The following FAM135B variants were observed in gnomAD, a reference collection of about 807,000 sequenced individuals.
The protein encoded by FAM135B is family with sequence similarity 135 member B, also known as protein FAM135B.
A neutral mutation model predicts 127.7 loss-of-function variants in FAM135B; 43 were observed. The ratio of observed to expected loss-of-function variants is 0.34; its 90% CI spans 0.26 to 0.43. The LOEUF (loss-of-function observed/expected upper bound fraction) is 0.43, where lower values mean the gene tolerates loss of function less well. FAM135B is among the 20% of genes least tolerant of loss of function. The pLI, the probability that FAM135B is intolerant of heterozygous loss-of-function variation, is 1.00. For missense variants in FAM135B, 1,558 were observed against 1,725.6 expected, an observed-to-expected ratio of 0.90 and a Z score of 1.72; for synonymous variants, 670 against 665.1, an observed-to-expected ratio of 1.01 and a Z score of -0.11.
intron 1 of FAM135B, among the ~76,000 whole-genome samples, chr8:138,414,152 T>C (rs982682453): frequency 9.8e-6 from 1 of 102,504 alleles, no homozygotes; most frequent in Non-Finnish European, 2.3e-5. Flanking sequence ...ACAAAAAATA[T>C]ATAAGAAGCT....
At chr8:138,368,732 T>C (rs1234992991) in intron 1 of FAM135B, among the ~76,000 whole-genome samples, 2 of 151,858 alleles carry the variant, frequency 1.3e-5, no homozygotes, top group African/African-American at 2.4e-5. Context: ...AACAAGATGG[T>C]TGAATGGAAA....
rs757748275 is a variant in FAM135B at position 138,151,604 on chromosome 8, G to A, written c.2871C>T (p.Ser957=). ...NRNSTGQQSQ[S]GSPCIMDDTA... ...TGTCATCCATAATGCAAGGTGAACC[G>A]CTTTGGCTTTGCTGGCCTGTTGAGT... is the stretch of plus-strand genomic sequence containing the variant. Residue 957 remains serine (S), a synonymous_variant, in exon 13 of 20, where the codon AGC becomes AGT. Coordinates refer to ENST00000395297, the MANE Select transcript of FAM135B (RefSeq NM_015912.4). 78 of 1,614,160 alleles carry A rather than the reference G, an allele frequency of 4.8e-5. No individual in the cohort carries two copies. The Middle Eastern group carries it at 6.6e-4, about 14-fold the overall frequency.
At chr8:138,185,388 C>T (rs541091545) in intron 9 of FAM135B, among the ~76,000 whole-genome samples, 3 of 152,286 alleles carry the variant, frequency 2.0e-5, no homozygotes, top group African/African-American at 2.4e-5. Flanking sequence ...AGCAGAAACT[C>T]GAGAAGCCAC....
chr8:138,149,045 G>A (rs1260284990), intron 13 of FAM135B, among the ~76,000 whole-genome samples: 2 of 149,922 alleles, frequency 1.3e-5, no homozygotes, highest in African/African-American at 4.9e-5. Context: ...CGAGTTAATG[G>A]GTGCAGCACA....
At chr8:138,313,144 T>C (rs1826820358) in intron 2 of FAM135B, among the ~76,000 whole-genome samples, 1 of 152,180 alleles carries the variant, frequency 6.6e-6, no homozygotes, top group South Asian at 2.1e-4. Flanking sequence ...CATTTTTTCT[T>C]TCTTTGAGAC....
At chr8:138,298,219 A>C (rs959659329) in intron 3 of FAM135B, among the ~76,000 whole-genome samples, 1 of 152,216 alleles carries the variant, frequency 6.6e-6, no homozygotes, top group African/African-American at 2.4e-5. Context: ...GATCTGCTGA[A>C]AGTAACATTA....
At chr8:138,449,655 CT>C (rs1836385909) in intron 1 of FAM135B, among the ~76,000 whole-genome samples, 1 of 151,984 alleles carries the variant, frequency 6.6e-6, no homozygotes. Context: ...TTTTCTAAGA[CT>C]TTATGTTTTT....
chr8:138,417,553 G>C (rs1446104557), intron 1 of FAM135B, among the ~76,000 whole-genome samples: 1 of 152,198 alleles, frequency 6.6e-6, no homozygotes, highest in Non-Finnish European at 1.5e-5. Context: ...AAGCATGCTT[G>C]CCAGCATTGC....
chr8:138,425,062 C>T (rs1395919612), intron 1 of FAM135B, among the ~76,000 whole-genome samples: 2 of 152,192 alleles, frequency 1.3e-5, no homozygotes, highest in African/African-American at 2.4e-5. Context: ...GGGCCAACCA[C>T]ATGGTCATCC....
At chr8:138,443,560 C>A (rs752991971) in intron 1 of FAM135B, among the ~76,000 whole-genome samples, 2 of 152,180 alleles carry the variant, frequency 1.3e-5, no homozygotes, top group African/African-American at 2.4e-5. Context: ...CCAAGACATC[C>A]TTATTTTCAA....
chr8:138,268,197 AG>A (rs1312699646), intron 3 of FAM135B, among the ~76,000 whole-genome samples: 5 of 152,354 alleles, frequency 3.3e-5, no homozygotes, highest in South Asian at 2.1e-4. Context: ...AGGATAAAAT[AG>A]ATCAAGCTCC....
intron 7 of FAM135B, among the ~76,000 whole-genome samples, chr8:138,219,140 T>C (rs1432730872): frequency 2.6e-5 from 4 of 152,204 alleles, no homozygotes; most frequent in Non-Finnish European, 5.9e-5. Context: ...CTACTGTTCA[T>C]AGATGGATCT....
chr8:138,289,830 G>T (rs966647145), intron 3 of FAM135B, among the ~76,000 whole-genome samples: 12 of 152,128 alleles, frequency 7.9e-5, no homozygotes, highest in Non-Finnish European at 1.0e-4. Flanking sequence ...TTTTGTTGTT[G>T]TTGCTTGTTT....
chr8:138,151,884 T>C lies in FAM135B; in HGVS notation c.2591A>G (p.Asp864Gly), dbSNP rs2130746940. 6.2e-7 allele frequency: 1 copy of C among 1,614,042 alleles called. No individual in the cohort carries two copies. Among genetic ancestry groups the C allele is most frequent in the Non-Finnish European group, 8.5e-7 (1 of 1,179,890 alleles). ...ACCTGGAGTGTTCTCAGTCCTGCCA[T>C]CAGGAAGACAGTGTCCTTGAGCATC... ...QFDAQGHCLP[D>G]GRTENTPGVE... Residue 864 changes from aspartate (D) to glycine (G), a missense_variant, in exon 13 of 20, where the codon GAT becomes GGT. Physicochemically the swap from Asp to Gly is moderately conservative, Grantham distance 94. Coordinates refer to ENST00000395297, the MANE Select transcript of FAM135B (RefSeq NM_015912.4).
chr8:138,300,693 GC>G (rs1825817105), intron 3 of FAM135B, among the ~76,000 whole-genome samples: 1 of 150,254 alleles, frequency 6.7e-6, no homozygotes, highest in Non-Finnish European at 1.5e-5. Context: ...ATCTTGTGCA[GC>G]CCCATGTGAA....
chr8:138,194,325 T>C (rs562705420), intron 9 of FAM135B, among the ~76,000 whole-genome samples: 2 of 152,274 alleles, frequency 1.3e-5, no homozygotes, highest in East Asian at 3.9e-4. Context: ...CATTCCGCCC[T>C]CTCCAGGGAT....
At chr8:138,203,191 CTA>C (rs1182090904) in intron 7 of FAM135B, among the ~76,000 whole-genome samples, 20 of 152,106 alleles carry the variant, frequency 1.3e-4, no homozygotes. Flanking sequence ...TCTCTCAAAT[CTA>C]TGTCTCTACA....
chr8:138,160,951 T>G (rs1032117229), intron 12 of FAM135B, among the ~76,000 whole-genome samples: 1 of 152,224 alleles, frequency 6.6e-6, no homozygotes, highest in Non-Finnish European at 1.5e-5. Context: ...TGATTTTCAA[T>G]TCTGACATTG....
intron 4 of FAM135B, among the ~76,000 whole-genome samples, chr8:138,262,404 T>C (rs998371267): frequency 6.6e-6 from 1 of 152,130 alleles, no homozygotes; most frequent in African/African-American, 2.4e-5. Flanking sequence ...TGTTTTCTTA[T>C]TGGGATTTGG....
Sources: allele counts gnomAD v4.1 joint callset (sites outside exome capture counted in the v4.1 genomes callset), GRCh38; gene constraint gnomAD v4.1.1; transcripts MANE v1.5; gene names NCBI Gene and HGNC (gene_info 2026-07-23, HGNC 2026-07-21).